Variants in CCDC13 observed in about 807,000 individuals in gnomAD.
The protein encoded by CCDC13 is coiled-coil domain-containing protein 13.
In CCDC13, 70 loss-of-function variants were observed where a neutral mutation model predicts 87.3. The ratio of observed to expected loss-of-function variants is 0.80; its 90% CI spans 0.66 to 0.98. The LOEUF is 0.98. Among genes scored for constraint, CCDC13 ranks in the 50% least tolerant of loss-of-function variants. CCDC13 has a pLI of 0.00. For missense variants in CCDC13, 842 were observed against 892.0 expected (o/e 0.94, Z 0.71); for synonymous variants, 317 against 360.3 (o/e 0.88, Z 1.36).
chr3:42,732,103 G>A (rs576537043), intron 12 of CCDC13, among the ~76,000 whole-genome samples: 2 of 152,224 alleles, frequency 1.3e-5, no homozygotes, highest in Non-Finnish European at 2.9e-5. Context: ...ACCCTAAGGA[G>A]CGTGGCACAT....
chr3:42,757,111 T>G lies in CCDC13; in HGVS notation c.325A>C (p.Lys109Gln), dbSNP rs1186951944. The change falls in exon 3 of 16, where the codon AAA becomes CAA. Residue 109 changes from lysine to glutamine, a missense_variant. Physicochemically the swap from Lys to Gln is moderately conservative, Grantham distance 53. Coordinates refer to ENST00000310232, the MANE Select transcript of CCDC13 (RefSeq NM_144719.4). ...TCTTCTATTTTCTTTTTGAGGTGTTTGATTTCAAAGTCCCTTTCCTTCAGC... is the reference window on the plus strand; with the variant it reads ...TCTTCTATTTTCTTTTTGAGGTGTTGGATTTCAAAGTCCCTTTCCTTCAGC... ...KLLKERDFEI[K>Q]HLKKKIEEDR... 2 of 1,614,090 alleles carry G rather than the reference T, an allele frequency of 1.2e-6. No individual in the cohort carries two copies. The highest frequency in any genetic ancestry group is 2.7e-5 in the African/African-American group (2 of 74,936).
chr3:42,716,025 G>T (rs1435855516), intron 13 of CCDC13, among the ~76,000 whole-genome samples: 1 of 152,144 alleles, frequency 6.6e-6, no homozygotes, highest in Admixed American at 6.5e-5. Context: ...GGACCCAGCT[G>T]GGTAACATAC....
In CCDC13 at chr3:42,709,068, T is replaced by C; in HGVS notation, c.2060A>G (p.Glu687Gly). The change falls in exon 16 of 16, where the codon GAG becomes GGG. Residue 687 changes from glutamate (E) to glycine (G), a missense_variant. Physicochemically the swap from Glu to Gly is moderately conservative, Grantham distance 98. Transcript: ENST00000310232. ...ALGSALRGKEEDFRMYHEILG... is the reference protein window; with the variant it reads ...ALGSALRGKEGDFRMYHEILG... ...GATCTCATGGTACATCCGGAAGTCC[T>C]CCTCCTTTCCCCGCAGGGCACTGCC... is the stretch of plus-strand genomic sequence containing the variant. 6.2e-7 allele frequency: 1 copy of C among 1,614,032 alleles called. No homozygotes were observed. Among genetic ancestry groups the C allele is most frequent in the Non-Finnish European group, 8.5e-7 (1 of 1,179,938 alleles).
rs751997344 is a variant in CCDC13, at chr3:42,742,922, C to G, written c.961G>C (p.Glu321Gln). ...EKNLLRIRSL[E>Q]REKQEGLEKL... ...TCCAAGCCTTCCTGTTTTTCCCTTT[C>G]CAGGCTGCGGATCCTCAGCAGGTTT... The change falls in exon 8 of 16, where the codon GAA (glutamate) becomes CAA (glutamine). Residue 321 changes from glutamate (E) to glutamine (Q), a missense_variant. Physicochemically the swap from Glu to Gln is conservative, Grantham distance 29. Transcript: ENST00000310232. 22 of 1,614,006 alleles carry G rather than the reference C, an allele frequency of 1.4e-5. No individual in the cohort carries two copies. In the Admixed American group the frequency reaches 3.7e-4, roughly 27 times the overall value.
chr3:42,714,435 G>C (rs1445603060), intron 13 of CCDC13, among the ~76,000 whole-genome samples: 4 of 152,326 alleles, frequency 2.6e-5, no homozygotes, highest in Non-Finnish European at 5.9e-5. Context: ...GCTTTTCTTG[G>C]AGTTAGTGAT....
chr3:42,757,280 T>C, intron 2 of CCDC13, 66 bp from the exon 3 acceptor site: 1 of 1,502,210 alleles, frequency 6.7e-7, no homozygotes, highest in Non-Finnish European at 9.1e-7. Flanking sequence ...GGGTCAGGCC[T>C]CCACTGCCTA....
intron 1 of CCDC13, among the ~76,000 whole-genome samples, chr3:42,772,867 C>G (rs1463657265): frequency 6.6e-6 from 1 of 152,196 alleles, no homozygotes; most frequent in Non-Finnish European, 1.5e-5. Context: ...GCTTGTCAGG[C>G]GGACCTGAGT....
chr3:42,739,509 A>T, intron 9 of CCDC13, 125 bp downstream of exon 9: 1 of 1,082,234 alleles, frequency 9.2e-7, no homozygotes, highest in South Asian at 1.6e-5. Context: ...ATCTGGAGGC[A>T]ACGGGCTTTG....
intron 1 of CCDC13, among the ~76,000 whole-genome samples, chr3:42,766,025 T>C (rs981167776): frequency 6.6e-6 from 1 of 152,048 alleles, no homozygotes; most frequent in African/African-American, 2.4e-5. Context: ...CATGTGGGCC[T>C]AAATCAAAAC....
At chr3:42,762,181 C>CCA in intron 1 of CCDC13, among the ~76,000 whole-genome samples, 1 of 152,166 alleles carries the variant, frequency 6.6e-6, no homozygotes. Context: ...TGGGCTGAGC[C>CCA]CAGGGTTTGG....
intron 3 of CCDC13, 39 bp from the exon 4 acceptor site, chr3:42,752,756 G>A: frequency 6.2e-7 from 1 of 1,610,130 alleles, no homozygotes; most frequent in Non-Finnish European, 8.5e-7. Context: ...TAAAAACACA[G>A]GCATACACAT....
At position 42,730,448 on chromosome 3, in the gene CCDC13, C is replaced by T; in HGVS notation, c.1718+19G>A. 1.2e-6 allele frequency: 2 copies of T among 1,610,318 alleles called. No homozygotes were observed. The highest frequency in any genetic ancestry group is 1.7e-6 in the Non-Finnish European group (2 of 1,176,934). On this transcript the variant is annotated intron_variant, in intron 13 of 15. Coordinates refer to ENST00000310232, the MANE Select transcript of CCDC13 (RefSeq NM_144719.4). ...CACATGCAGGCCTATGGGAGAGATC[C>T]CTGGGTGCCATGTGTTACCGTTTCT...
chr3:42,747,137 G>A (rs1041837095), intron 6 of CCDC13, 120 bp downstream of exon 6: 2 of 805,630 alleles, frequency 2.5e-6, no homozygotes, highest in Non-Finnish European at 4.4e-6. Context: ...CCCAGAGCAA[G>A]CAGTGTGCTC....
Position 42,709,729 on chromosome 3 carries a change from A to C in CCDC13, c.1943T>G (p.Leu648Arg), listed in dbSNP as rs979268100. ...TTGGGATTCCACGGGCACATCGGAG[A>C]GCTGGGCAAAGGATGGGTCCTTCTT... ...SEKKDPSFAQ[L>R]SDVPVESQME... Residue 648 changes from leucine (L) to arginine (R), a missense_variant, in exon 15 of 16, where the codon CTC (leucine) becomes CGC (arginine). Transcript: ENST00000310232. 5 of 1,613,974 alleles carry C rather than the reference A, an allele frequency of 3.1e-6. No homozygotes were observed. The highest frequency in any genetic ancestry group is 4.2e-6 in the Non-Finnish European group (5 of 1,180,012).
intron 8 of CCDC13, 102 bp downstream of exon 8, chr3:42,742,794 G>A (rs1239625812): frequency 7.0e-7 from 1 of 1,437,854 alleles, no homozygotes. Context: ...GCCTAGAAGG[G>A]GTGGCTCAGA....
At chr3:42,766,983 C>G (rs1699944725) in intron 1 of CCDC13, among the ~76,000 whole-genome samples, 2 of 152,160 alleles carry the variant, frequency 1.3e-5, no homozygotes, top group South Asian at 4.1e-4. Flanking sequence ...ACGCTTTACC[C>G]CTAAGACTGG....
intron 12 of CCDC13, 109 bp from the exon 13 acceptor site, chr3:42,730,698 C>A: frequency 6.9e-7 from 1 of 1,441,160 alleles, no homozygotes; most frequent in Non-Finnish European, 9.4e-7. Flanking sequence ...CGAATGTCAG[C>A]CAGAGCAAAG....
At chr3:42,709,825 G>T (rs764382229) in intron 14 of CCDC13, 27 bp from the exon 15 acceptor site, 3 of 1,553,316 alleles carry the variant, frequency 1.9e-6, no homozygotes, top group Non-Finnish European at 2.7e-6. Flanking sequence ...ACCACTTTCT[G>T]TGAGGAGGCC....
intron 13 of CCDC13, 50 bp from the exon 14 acceptor site, chr3:42,713,366 G>T: frequency 6.3e-7 from 1 of 1,597,984 alleles, no homozygotes; most frequent in Non-Finnish European, 8.5e-7. Context: ...GGCAGGGGCA[G>T]GCCCTACCCC....
Sources: allele counts gnomAD v4.1 joint callset (sites outside exome capture counted in the v4.1 genomes callset), GRCh38; gene constraint gnomAD v4.1.1; transcripts MANE v1.5; gene names NCBI Gene and HGNC (gene_info 2026-07-23, HGNC 2026-07-21).